CNTN1: variants seen among roughly 807,000 people sequenced by gnomAD.
CNTN1 encodes contactin 1.
A neutral mutation model predicts 126.4 loss-of-function variants in CNTN1; 38 were observed. That is an observed-to-expected ratio of 0.30 (90% CI 0.23 to 0.39). CNTN1 has a LOEUF of 0.39. CNTN1 is among the 10% of genes least tolerant of loss of function. The pLI is 1.00. For synonymous variants in CNTN1, 413 were observed against 422.6 expected (o/e 0.98, Z 0.28); for missense variants, 1,009 against 1,248.4 (o/e 0.81, Z 2.89).
intron 17 of CNTN1, among the ~76,000 whole-genome samples, chr12:41,003,850 T>C (rs1255080553): frequency 6.6e-6 from 1 of 152,140 alleles, no homozygotes; most frequent in Non-Finnish European, 1.5e-5. Flanking sequence ...CTTTTCTTCA[T>C]TAGTCTAGTT....
chr12:41,044,004 T>C (rs1330395021), intron 23 of CNTN1, among the ~76,000 whole-genome samples: 1 of 47,338 alleles, frequency 2.1e-5, no homozygotes, highest in African/African-American at 8.8e-5. Flanking sequence ...TGTTGTGGGG[T>C]GGGGGGAGGG....
intron 1 of CNTN1, among the ~76,000 whole-genome samples, chr12:40,693,036 G>A (rs555660318): frequency 6.6e-6 from 1 of 152,330 alleles, no homozygotes; most frequent in South Asian, 2.1e-4. Context: ...ATCCCACCTG[G>A]GCGCCTGGCT....
intron 15 of CNTN1, chr12:40,978,943 A>G (rs1341608591): frequency 6.6e-6 from 1 of 152,120 alleles, no homozygotes; most frequent in African/African-American, 2.4e-5. Context: ...ATTCACCTCT[A>G]ATTTTTTATT....
chr12:40,934,898 T>A (rs1020464287), intron 9 of CNTN1, among the ~76,000 whole-genome samples: 1 of 152,062 alleles, frequency 6.6e-6, no homozygotes, highest in African/African-American at 2.4e-5. Flanking sequence ...GTTGCCACAG[T>A]TGGTCCCTCC....
chr12:40,947,782 TACACACACACACACACAC>T (rs56852774), intron 14 of CNTN1, among the ~76,000 whole-genome samples: 28 of 118,912 alleles, frequency 2.4e-4, no homozygotes, highest in Admixed American at 1.9e-3. Context: ...TATATATATA[TACACACACACACACACAC>T]ACACACACAC....
intron 1 of CNTN1, among the ~76,000 whole-genome samples, chr12:40,852,320 A>C (rs1351217168): frequency 3.9e-5 from 6 of 152,104 alleles, no homozygotes; most frequent in Non-Finnish European, 8.8e-5. Context: ...TTTTCTTCTT[A>C]TTTTATAGAT....
chr12:40,797,129 AC>A (rs1940468667), intron 1 of CNTN1, among the ~76,000 whole-genome samples: 1 of 152,078 alleles, frequency 6.6e-6, no homozygotes, highest in African/African-American at 2.4e-5. Flanking sequence ...TGTGCCCAAT[AC>A]AGTGATAAAT....
chr12:40,758,583 T>A (rs754463359), intron 1 of CNTN1, among the ~76,000 whole-genome samples: 16 of 152,186 alleles, frequency 1.1e-4, no homozygotes, highest in Non-Finnish European at 1.9e-4. Context: ...AACTGTGTAA[T>A]CTGTTTTTGT....
chr12:41,027,868 C>T lies in CNTN1; in HGVS notation c.2722C>T (p.Pro908Ser), dbSNP rs776933799. 6.2e-7 allele frequency: 1 copy of T among 1,611,874 alleles called. No individual in the cohort carries two copies. The highest frequency in any genetic ancestry group is 8.5e-7 in the Non-Finnish European group (1 of 1,178,062). Residue 908 changes from proline to serine, a missense_variant, in exon 22 of 24, where the codon CCT (proline) becomes TCT (serine). Coordinates refer to ENST00000551295, the MANE Select transcript of CNTN1 (RefSeq NM_001843.4). ...AFTKKAPPSQ[P>S]PRIISSVRSG... ...ACTACTTTTCACAGCTCCTAGCCAG[C>T]CTCCAAGGATCATCAGTTCAGTAAG...
At chr12:40,798,315 G>C (rs1940521540) in intron 1 of CNTN1, among the ~76,000 whole-genome samples, 1 of 151,966 alleles carries the variant, frequency 6.6e-6, no homozygotes, top group African/African-American at 2.4e-5. Flanking sequence ...TTAATCAAAT[G>C]GAGTGGGACA....
At chr12:41,042,957 C>G (rs1168635493) in intron 23 of CNTN1, among the ~76,000 whole-genome samples, 2 of 152,274 alleles carry the variant, frequency 1.3e-5, no homozygotes, top group Admixed American at 1.3e-4. Flanking sequence ...ATGTAGAAAG[C>G]TGAAACTGGA....
intron 2 of CNTN1, among the ~76,000 whole-genome samples, chr12:40,908,788 G>A (rs1944925932): frequency 6.6e-6 from 1 of 152,012 alleles, no homozygotes; most frequent in Admixed American, 6.6e-5. Flanking sequence ...ATCCTACCAT[G>A]GCCAGTTTCA....
chr12:41,071,959 A>C lies in CNTN1; in HGVS notation c.*1924A>C, dbSNP rs1950166381. On this transcript the variant is annotated 3_prime_UTR_variant, in exon 24 of 24. Transcript: ENST00000551295. ...TGCCTTTTATTTTCTAATATATGAT[A>C]ATAACGAGCAAAACTGGTTAGATTT... 3 of 152,298 alleles carry C rather than the reference A, an allele frequency of 2.0e-5. No individual in the cohort carries two copies. The highest frequency in any genetic ancestry group is 2.1e-4 in the South Asian group (1 of 4,828). The allele number at this position is 152,298 out of a possible 1,614,324, so 9.4% of individuals were successfully genotyped here.
At chr12:40,921,041 T>C (rs1176514382) in intron 4 of CNTN1, among the ~76,000 whole-genome samples, 5 of 152,190 alleles carry the variant, frequency 3.3e-5, no homozygotes, top group Non-Finnish European at 5.9e-5. Flanking sequence ...TAACACTAGA[T>C]GGTTCAGGCA....
intron 1 of CNTN1, among the ~76,000 whole-genome samples, chr12:40,771,970 T>C (rs1290857888): frequency 6.6e-6 from 1 of 151,946 alleles, no homozygotes; most frequent in Non-Finnish European, 1.5e-5. Flanking sequence ...AGAATCTAAG[T>C]CTCCAGGGCT....
At chr12:40,834,478 G>T (rs1941973247) in intron 1 of CNTN1, among the ~76,000 whole-genome samples, 1 of 152,152 alleles carries the variant, frequency 6.6e-6, no homozygotes, top group Non-Finnish European at 1.5e-5. Flanking sequence ...AAGGTAGGTG[G>T]CTGGGAGGGA....
chr12:40,974,162 T>C (rs1947607058), intron 15 of CNTN1, among the ~76,000 whole-genome samples: 1 of 152,168 alleles, frequency 6.6e-6, no homozygotes, highest in African/African-American at 2.4e-5. Context: ...TGTTCATACA[T>C]AGGTATGTTT....
chr12:40,943,825 A>G, intron 13 of CNTN1, 101 bp downstream of exon 13: 1 of 1,484,170 alleles, frequency 6.7e-7, no homozygotes, highest in Non-Finnish European at 9.3e-7. Flanking sequence ...TTCTTTTTCA[A>G]AAGAATTTCA....
At chr12:41,002,035 T>C (rs1948372343) in intron 17 of CNTN1, among the ~76,000 whole-genome samples, 2 of 152,208 alleles carry the variant, frequency 1.3e-5, no homozygotes, top group South Asian at 4.1e-4. Flanking sequence ...CGTAGCCCTG[T>C]AGAATAAAGT....
Sources: gnomAD v4.1 joint callset for allele counts (sites outside exome capture counted in the v4.1 genomes callset) on GRCh38, gnomAD v4.1.1 for gene constraint, MANE v1.5 for transcripts, NCBI Gene and HGNC (gene_info 2026-07-23, HGNC 2026-07-21) for gene names.